The following ABCC4 variants were observed in gnomAD, a reference collection of about 807,000 sequenced individuals.
ABCC4 encodes the protein ATP binding cassette subfamily C member 4 (PEL blood group).
Under a neutral mutation model 168.5 loss-of-function variants are expected in ABCC4, and 102 were observed. The ratio of observed to expected loss-of-function variants is 0.61; its 90% CI spans 0.52 to 0.71. The LOEUF is 0.71. Ranked by LOEUF, ABCC4 falls within the 30% of genes least tolerant of loss-of-function variation. The pLI is 0.00. For missense variants in ABCC4, 1,402 were observed against 1,605.8 expected (o/e 0.87, Z 2.17); for synonymous variants, 617 against 590.7 (o/e 1.04, Z -0.65).
intron 19 of ABCC4, among the ~76,000 whole-genome samples, chr13:95,147,848 A>T (rs1244728042): frequency 6.6e-6 from 1 of 152,194 alleles, no homozygotes; most frequent in Non-Finnish European, 1.5e-5. Context: ...AAAGTAAACC[A>T]GATGTTTGGT....
At chr13:95,029,315 G>GTAGT (rs1017874253) in intron 30 of ABCC4, among the ~76,000 whole-genome samples, 20 of 140,808 alleles carry the variant, frequency 1.4e-4, no homozygotes, top group Non-Finnish European at 2.1e-4. Flanking sequence ...ATAAAATGAG[G>GTAGT]TAACTATATG....
intron 1 of ABCC4, among the ~76,000 whole-genome samples, chr13:95,287,538 G>T (rs1333973151): frequency 6.6e-6 from 1 of 151,480 alleles, no homozygotes; most frequent in African/African-American, 2.4e-5. Context: ...AGTGAGCCAA[G>T]ATCACGCCAT....
At chr13:95,135,439 G>A (rs1467220344) in intron 19 of ABCC4, among the ~76,000 whole-genome samples, 2 of 149,386 alleles carry the variant, frequency 1.3e-5, no homozygotes, top group African/African-American at 4.9e-5. Context: ...TTTTGAGAGG[G>A]TCTTGCTCTG....
chr13:95,067,031 G>T (rs898637962), intron 25 of ABCC4, among the ~76,000 whole-genome samples: 1 of 152,216 alleles, frequency 6.6e-6, no homozygotes, highest in Admixed American at 6.5e-5. Flanking sequence ...AAGAGGCTGG[G>T]AGAGAAGCCT....
At chr13:95,286,898 G>C (rs1172594656) in intron 1 of ABCC4, among the ~76,000 whole-genome samples, 1 of 149,082 alleles carries the variant, frequency 6.7e-6, no homozygotes, top group Non-Finnish European at 1.5e-5. Context: ...AGAGGTTGCA[G>C]TGAGCTGAGT....
At chr13:95,301,162 G>T in intron 1 of ABCC4, 79 bp downstream of exon 1, 1 of 1,365,838 alleles carries the variant, frequency 7.3e-7, no homozygotes, top group Non-Finnish European at 1.0e-6. Flanking sequence ...GGCTTGGGCA[G>T]CATCGGGCGC....
chr13:95,091,876 G>A lies in ABCC4; in HGVS notation c.2536-8586C>T, dbSNP rs144605846. Among the ~76,000 whole-genome samples, 38 of 152,220 alleles carry A rather than the reference G, an allele frequency of 2.5e-4. No homozygotes were observed. The East Asian group carries it at 7.3e-3, about 29-fold the overall frequency. On this transcript the variant is annotated intron_variant, in intron 20 of 30. Transcript: ENST00000645237. The stretch of plus-strand genomic sequence containing the variant: ...TGCTCCACTTAAAAGATACAGAAGT[G>A]CAGAATGGATAAAAACTCACCAACC...
chr13:95,022,175 G>A (rs566734556), intron 30 of ABCC4, among the ~76,000 whole-genome samples: 44 of 152,298 alleles, frequency 2.9e-4, no homozygotes, highest in African/African-American at 6.7e-4. Flanking sequence ...ACATCCCGGC[G>A]TTTAATTTGT....
chr13:95,194,736 A>C, intron 9 of ABCC4, 100 bp downstream of exon 9: 1 of 850,256 alleles, frequency 1.2e-6, no homozygotes, highest in Non-Finnish European at 1.8e-6. Context: ...TAAATAAGCA[A>C]GCCATATTTT....
At chr13:95,168,279 C>T (rs1201888199) in intron 14 of ABCC4, among the ~76,000 whole-genome samples, 1 of 152,172 alleles carries the variant, frequency 6.6e-6, no homozygotes, top group Non-Finnish European at 1.5e-5. Flanking sequence ...TAAGAAATTA[C>T]TTGTTTTCAA....
intron 19 of ABCC4, among the ~76,000 whole-genome samples, chr13:95,126,643 T>G (rs1428586884): frequency 6.7e-6 from 1 of 148,464 alleles, no homozygotes; most frequent in African/African-American, 2.5e-5. Context: ...CATTTTAATA[T>G]CTGGGAACCG....
chr13:95,168,677 G>A (rs754272722), intron 14 of ABCC4, among the ~76,000 whole-genome samples: 1 of 152,166 alleles, frequency 6.6e-6, no homozygotes, highest in Non-Finnish European at 1.5e-5. Context: ...CCACAATCAG[G>A]AATTTGACCA....
chr13:95,025,270 CCCCCA>C (rs1566351221), intron 30 of ABCC4, among the ~76,000 whole-genome samples: 34 of 47,350 alleles, frequency 7.2e-4, no homozygotes, highest in Non-Finnish European at 1.1e-3. Flanking sequence ...CACCCCCACA[CCCCCA>C]CACACACCCC....
At chr13:95,123,406 A>C (rs1268075225) in intron 19 of ABCC4, among the ~76,000 whole-genome samples, 1 of 152,198 alleles carries the variant, frequency 6.6e-6, no homozygotes, top group Non-Finnish European at 1.5e-5. Flanking sequence ...TCTGTTGCCC[A>C]GGCTGAAGCA....
At chr13:95,206,284 C>T (rs2038776443) in intron 8 of ABCC4, among the ~76,000 whole-genome samples, 2 of 152,188 alleles carry the variant, frequency 1.3e-5, no homozygotes, top group Non-Finnish European at 2.9e-5. Flanking sequence ...GCAGTTACCA[C>T]CTGTACATCA....
At chr13:95,200,494 G>T (rs1337376254) in intron 8 of ABCC4, among the ~76,000 whole-genome samples, 1 of 152,246 alleles carries the variant, frequency 6.6e-6, no homozygotes, top group Non-Finnish European at 1.5e-5. Context: ...AGGCCGACGC[G>T]GGTGGATCAC....
At chr13:95,194,440 C>T (rs1054211507) in intron 9 of ABCC4, among the ~76,000 whole-genome samples, 1 of 152,184 alleles carries the variant, frequency 6.6e-6, no homozygotes, top group African/African-American at 2.4e-5. Context: ...AAACGCTAAG[C>T]TGAAAATGTG....
intron 20 of ABCC4, among the ~76,000 whole-genome samples, chr13:95,100,806 G>A (rs2034774208): frequency 6.6e-6 from 1 of 152,136 alleles, no homozygotes; most frequent in South Asian, 2.1e-4. Flanking sequence ...TTCAAATGAC[G>A]GCAAGGCGAC....
At chr13:95,277,825 C>T (rs1212271430) in intron 1 of ABCC4, among the ~76,000 whole-genome samples, 6 of 152,030 alleles carry the variant, frequency 3.9e-5, no homozygotes, top group African/African-American at 1.5e-4. Context: ...AAACGTGTCC[C>T]GCAGAAGGGA....
Sources: allele counts gnomAD v4.1 joint callset (sites outside exome capture counted in the v4.1 genomes callset), GRCh38; gene constraint gnomAD v4.1.1; transcripts MANE v1.5; gene names NCBI Gene and HGNC (gene_info 2026-07-23, HGNC 2026-07-21).